The following NEO1 variants were observed in gnomAD, a reference collection of about 807,000 sequenced individuals.
NEO1 encodes the protein neogenin 1, also known as neogenin.
NEO1 carries 63 observed loss-of-function variants against 159.7 expected under a neutral mutation model. The observed-to-expected ratio is 0.39, with a 90% CI of 0.32 to 0.49. The LOEUF (loss-of-function observed/expected upper bound fraction) is 0.49. NEO1 is among the 20% of genes least tolerant of loss of function. The probability of loss-of-function intolerance (pLI) is 0.85; values close to 1 mark genes in which losing one functional copy is unlikely to be tolerated. For synonymous variants in NEO1, 633 were observed against 662.0 expected (o/e 0.96, Z 0.67); for missense variants, 1,615 against 1,831.0 (o/e 0.88, Z 2.15).
chr15:73,093,463 C>G (rs1250646008), intron 1 of NEO1, among the ~76,000 whole-genome samples: 1 of 152,070 alleles, frequency 6.6e-6, no homozygotes, highest in Non-Finnish European at 1.5e-5. Context: ...AAAAATCTTT[C>G]AACTGTATAT....
At chr15:73,261,815 A>G (rs1245285469) in intron 15 of NEO1, among the ~76,000 whole-genome samples, 5 of 152,128 alleles carry the variant, frequency 3.3e-5, no homozygotes, top group Non-Finnish European at 7.4e-5. Context: ...TGAAAAATCA[A>G]AGGAACTAGA....
chr15:73,248,629 C>T (rs900094920), intron 9 of NEO1, among the ~76,000 whole-genome samples: 4 of 152,264 alleles, frequency 2.6e-5, no homozygotes, highest in East Asian at 1.9e-4. Context: ...TTGTTATAAC[C>T]GTTACCTAAA....
At chr15:73,198,670 T>C (rs1027856448) in intron 7 of NEO1, among the ~76,000 whole-genome samples, 4 of 152,106 alleles carry the variant, frequency 2.6e-5, no homozygotes, top group Admixed American at 2.0e-4. Context: ...TTGCTACTTA[T>C]TCTGTTAGCT....
intron 4 of NEO1, among the ~76,000 whole-genome samples, chr15:73,129,876 C>A (rs906486292): frequency 1.3e-5 from 2 of 152,218 alleles, no homozygotes; most frequent in East Asian, 3.9e-4. Context: ...GCTAAATACA[C>A]CTAAAAACCC....
intron 1 of NEO1, among the ~76,000 whole-genome samples, chr15:73,079,765 A>G (rs2068951625): frequency 6.6e-6 from 1 of 152,178 alleles, no homozygotes; most frequent in African/African-American, 2.4e-5. Flanking sequence ...GGAAACGATA[A>G]TAAAATATTC....
chr15:73,159,030 A>T (rs1472630499), intron 5 of NEO1, among the ~76,000 whole-genome samples: 1 of 152,200 alleles, frequency 6.6e-6, no homozygotes, highest in African/African-American at 2.4e-5. Flanking sequence ...CAGGAAGCTG[A>T]GGCAGAAGGG....
At chr15:73,085,179 A>T (rs1453209460) in intron 1 of NEO1, among the ~76,000 whole-genome samples, 2 of 152,082 alleles carry the variant, frequency 1.3e-5, no homozygotes, top group Admixed American at 1.3e-4. Context: ...GCATTCACTG[A>T]TCTATTCACC....
chr15:73,249,592 G>A lies in NEO1; in HGVS notation c.1765G>A (p.Val589Ile). ...TTTTATTTTATTCAAGGATGTTGATGTTTCAAGTCACTCTTACACCATTAA... is the reference window on the plus strand; with the variant it reads ...TTTTATTTTATTCAAGGATGTTGATATTTCAAGTCACTCTTACACCATTAA... Reference protein sequence around the residue: ...KGTDKEQDVDVSSHSYTINGL... With the variant: ...KGTDKEQDVDISSHSYTINGL... Residue 589 changes from valine (V) to isoleucine (I), a missense_variant, in exon 11 of 29, where the codon GTT (valine) becomes ATT (isoleucine). Transcript: ENST00000261908. The A allele has an allele frequency of 6.2e-7, 1 of 1,600,402 alleles. No homozygotes were observed. The highest frequency in any genetic ancestry group is 8.5e-7 in the Non-Finnish European group (1 of 1,176,310).
At chr15:73,129,159 G>A (rs557183465) in intron 4 of NEO1, among the ~76,000 whole-genome samples, 12 of 152,246 alleles carry the variant, frequency 7.9e-5, no homozygotes, top group African/African-American at 2.9e-4. Flanking sequence ...GGGAAGTGGT[G>A]GCCAATATAT....
intron 5 of NEO1, among the ~76,000 whole-genome samples, chr15:73,160,402 G>C (rs1329604893): frequency 6.6e-6 from 1 of 152,108 alleles, no homozygotes; most frequent in Non-Finnish European, 1.5e-5. Context: ...TAAATACCGA[G>C]TTTATTTCAT....
At chr15:73,091,232 A>AGCT (rs1163925359) in intron 1 of NEO1, among the ~76,000 whole-genome samples, 2 of 152,230 alleles carry the variant, frequency 1.3e-5, no homozygotes, top group Admixed American at 1.3e-4. Flanking sequence ...TTATTAAACA[A>AGCT]GCTGATGCCT....
At chr15:73,215,622 A>C (rs768365030) in intron 7 of NEO1, among the ~76,000 whole-genome samples, 104 of 152,218 alleles carry the variant, frequency 6.8e-4, no homozygotes, top group Non-Finnish European at 9.6e-4. Flanking sequence ...CTGCATCCCT[A>C]GTATGAAACA....
At position 73,305,115 on chromosome 15, in the gene NEO1, G is replaced by A. The variant is rs1161400333; in HGVS notation, c.*2419G>A. 6.6e-6 allele frequency: 1 copy of A among 152,008 alleles called. No individual in the cohort carries two copies. The highest frequency in any genetic ancestry group is 1.5e-5 in the Non-Finnish European group (1 of 67,998). 9.4% of individuals were successfully genotyped at this position (152,008 alleles called of 1,614,324 possible). A position where few individuals can be genotyped will look rare whatever the true frequency, so the allele number is the denominator to read the frequency against. ...ACACACTTGTTTGGCCTTTTCTGTA[G>A]TTGATGCTGTAAACTCTATGGCTTT... On this transcript the variant is annotated 3_prime_UTR_variant, in exon 29 of 29. Transcript: ENST00000261908.
chr15:73,185,415 A>C (rs984785514), intron 7 of NEO1, among the ~76,000 whole-genome samples: 1 of 152,016 alleles, frequency 6.6e-6, no homozygotes, highest in Non-Finnish European at 1.5e-5. Flanking sequence ...TCAGTTTTGC[A>C]ATGAACCTAA....
intron 7 of NEO1, among the ~76,000 whole-genome samples, chr15:73,200,721 C>G (rs1385732323): frequency 6.1e-5 from 8 of 130,682 alleles, no homozygotes; most frequent in Non-Finnish European, 1.6e-5. Context: ...GTCACCCAGG[C>G]TGGAGGGACT....
intron 1 of NEO1, among the ~76,000 whole-genome samples, chr15:73,096,140 C>G (rs1045404818): frequency 6.6e-6 from 1 of 152,106 alleles, no homozygotes; most frequent in East Asian, 1.9e-4. Context: ...AGCAGATCAT[C>G]TACATCCATT....
In NEO1 at chr15:73,153,346, C is replaced by T. The variant is rs1027115805; in HGVS notation, c.1015+17319C>T. Among the ~76,000 whole-genome samples the T allele has an allele frequency of 2.4e-4, 36 of 152,056 alleles. 2 individuals carry two copies. Among genetic ancestry groups the T allele is most frequent in the African/African-American group, 7.5e-4 (31 of 41,300 alleles). ...AGTTGACACATAAAATTTACTGTCA[C>T]ACATAGTATACTCGTCTTCATCTAA... is the stretch of plus-strand genomic sequence containing the variant. On this transcript the variant is annotated intron_variant, in intron 5 of 28. Transcript: ENST00000261908.
At chr15:73,235,648 C>A (rs2039131275) in intron 7 of NEO1, among the ~76,000 whole-genome samples, 1 of 152,212 alleles carries the variant, frequency 6.6e-6, no homozygotes, top group Non-Finnish European at 1.5e-5. Context: ...GGATTTTATA[C>A]TGTCCTAGCT....
At chr15:73,257,581 A>G (rs187864050) in intron 13 of NEO1, among the ~76,000 whole-genome samples, 10 of 152,310 alleles carry the variant, frequency 6.6e-5, no homozygotes, top group Admixed American at 5.9e-4. Flanking sequence ...ACAACACATT[A>G]TATGATTAAA....
Sources: gnomAD v4.1 joint callset for allele counts (sites outside exome capture counted in the v4.1 genomes callset) on GRCh38, gnomAD v4.1.1 for gene constraint, MANE v1.5 for transcripts, NCBI Gene and HGNC (gene_info 2026-07-23, HGNC 2026-07-21) for gene names.